The following ZSWIM6 variants were observed in gnomAD, a reference collection of about 807,000 sequenced individuals.
The protein encoded by ZSWIM6 is zinc finger SWIM domain-containing protein 6.
Under a neutral mutation model 113.2 loss-of-function variants are expected in ZSWIM6, and 9 were observed. The ratio of observed to expected loss-of-function variants is 0.08; its 90% CI spans 0.05 to 0.14. The LOEUF is 0.14. Ranked by LOEUF, ZSWIM6 falls within the 10% of genes least tolerant of loss-of-function variation. ZSWIM6 has a pLI of 1.00. For missense variants in ZSWIM6, 1,162 were observed against 1,552.2 expected (o/e 0.75, Z 4.22); for synonymous variants, 611 against 606.5 (o/e 1.01, Z -0.11).
intron 10 of ZSWIM6, among the ~76,000 whole-genome samples, chr5:61,537,276 A>G (rs1015353705): frequency 2.6e-5 from 4 of 152,208 alleles, no homozygotes; most frequent in African/African-American, 9.6e-5. Context: ...AGCAGGGTAC[A>G]GGGGAATTTT....
intron 2 of ZSWIM6, among the ~76,000 whole-genome samples, chr5:61,487,586 T>A (rs752567321): frequency 6.6e-6 from 1 of 152,002 alleles, no homozygotes; most frequent in Non-Finnish European, 1.5e-5. Flanking sequence ...TTATAGTTTT[T>A]TTGTAGAAAT....
intron 1 of ZSWIM6, among the ~76,000 whole-genome samples, chr5:61,430,887 T>G (rs1483359132): frequency 6.6e-6 from 1 of 152,210 alleles, no homozygotes; most frequent in Non-Finnish European, 1.5e-5. Context: ...TAATGATGGC[T>G]TATGTTTTAA....
intron 2 of ZSWIM6, among the ~76,000 whole-genome samples, chr5:61,484,065 G>C (rs1259087300): frequency 1.3e-5 from 2 of 151,902 alleles, no homozygotes. Context: ...GTTTTTGGAG[G>C]GTATCTGAAT....
At chr5:61,440,979 G>A (rs1448155119) in intron 1 of ZSWIM6, among the ~76,000 whole-genome samples, 4 of 152,178 alleles carry the variant, frequency 2.6e-5, no homozygotes, top group African/African-American at 9.7e-5. Flanking sequence ...ACTTTTTTGT[G>A]TGTGGGGCTG....
chr5:61,363,036 G>A (rs1479733151), intron 1 of ZSWIM6, among the ~76,000 whole-genome samples: 1 of 152,172 alleles, frequency 6.6e-6, no homozygotes, highest in Non-Finnish European at 1.5e-5. Context: ...CCTCTTAGTG[G>A]TTCAGGAACC....
At chr5:61,333,034 C>A in intron 1 of ZSWIM6, 86 bp downstream of exon 1, 1 of 1,062,234 alleles carries the variant, frequency 9.4e-7, no homozygotes, top group Non-Finnish European at 1.1e-6. Flanking sequence ...CTGCGGACAG[C>A]CCCTAGTTCC....
chr5:61,535,041 C>T (rs922276321), intron 9 of ZSWIM6, among the ~76,000 whole-genome samples: 1 of 152,170 alleles, frequency 6.6e-6, no homozygotes, highest in Non-Finnish European at 1.5e-5. Context: ...TTCTGGAAAC[C>T]TGGCATATTT....
At chr5:61,461,689 A>T (rs1299310942) in intron 1 of ZSWIM6, among the ~76,000 whole-genome samples, 2 of 152,316 alleles carry the variant, frequency 1.3e-5, no homozygotes, top group East Asian at 1.9e-4. Context: ...GAAATCATTT[A>T]TTAAGTCAAA....
intron 1 of ZSWIM6, chr5:61,375,355 A>G: frequency 2.5e-6 from 4 of 1,600,440 alleles, no homozygotes; most frequent in Middle Eastern, 3.5e-4. Flanking sequence ...GAAATTGTTA[A>G]GTGGAAGTGA....
chr5:61,356,751 AT>A (rs1276642342), intron 1 of ZSWIM6, among the ~76,000 whole-genome samples: 1 of 139,360 alleles, frequency 7.2e-6, no homozygotes, highest in Non-Finnish European at 1.5e-5. Context: ...ATATATATAT[AT>A]TATATATAAT....
intron 4 of ZSWIM6, among the ~76,000 whole-genome samples, chr5:61,513,833 A>C (rs1743703724): frequency 6.6e-6 from 1 of 152,070 alleles, no homozygotes; most frequent in Non-Finnish European, 1.5e-5. Flanking sequence ...CTATCCCTTC[A>C]TCACTAGTGC....
chr5:61,476,154 T>C (rs1355384345), intron 2 of ZSWIM6, among the ~76,000 whole-genome samples: 1 of 152,216 alleles, frequency 6.6e-6, no homozygotes, highest in Admixed American at 6.5e-5. Context: ...TTCCCCTTTT[T>C]CCTTGTGAAC....
intron 1 of ZSWIM6, among the ~76,000 whole-genome samples, chr5:61,411,424 CA>C (rs1208215710): frequency 6.6e-6 from 1 of 152,086 alleles, no homozygotes; most frequent in East Asian, 1.9e-4. Context: ...AGCTTTTGGA[CA>C]AAGCTAGAAT....
chr5:61,543,861 C>T lies in ZSWIM6; in HGVS notation c.3192C>T (p.Asp1064=), dbSNP rs1195239214. Residue 1064 remains aspartate, a synonymous_variant, in exon 14 of 14, where the codon GAC becomes GAT. Coordinates refer to ENST00000252744, the MANE Select transcript of ZSWIM6 (RefSeq NM_020928.2). The surrounding 1 kb of genome is among the most constrained non-coding windows in gnomAD (Gnocchi z 4.3). ...MTHLNLSYNQ[D]THPAINDVLW... is the part of the protein sequence containing the mutation. The stretch of plus-strand genomic sequence containing the variant: ...ATCTCAACCTGAGCTACAATCAGGA[C>T]ACACACCCTGCCATTAATGATGTTT... 6.4e-7 allele frequency: 1 copy of T among 1,551,768 alleles called. No individual in the cohort carries two copies. The highest frequency in any genetic ancestry group is 8.7e-7 in the Non-Finnish European group (1 of 1,147,032).
chr5:61,510,423 C>G (rs548034458), intron 4 of ZSWIM6, among the ~76,000 whole-genome samples: 1 of 152,010 alleles, frequency 6.6e-6, no homozygotes, highest in East Asian at 1.9e-4. Context: ...CCCACATTCT[C>G]TGACTGGCTA....
chr5:61,488,678 A>G (rs1156973093), intron 2 of ZSWIM6, among the ~76,000 whole-genome samples: 1 of 151,602 alleles, frequency 6.6e-6, no homozygotes, highest in Non-Finnish European at 1.5e-5. Flanking sequence ...TTCTGATTTT[A>G]TTTATTTGGA....
At chr5:61,333,185 C>T (rs1285974122) in intron 1 of ZSWIM6, among the ~76,000 whole-genome samples, 1 of 151,960 alleles carries the variant, frequency 6.6e-6, no homozygotes, top group African/African-American at 2.4e-5. Context: ...GCAGGACGCG[C>T]CCCTCCGTGG....
chr5:61,469,377 A>G (rs908135237), intron 1 of ZSWIM6, among the ~76,000 whole-genome samples: 4 of 152,194 alleles, frequency 2.6e-5, no homozygotes, highest in Admixed American at 6.5e-5. Flanking sequence ...CATTCATAAA[A>G]CACCGTAATC....
intron 1 of ZSWIM6, among the ~76,000 whole-genome samples, chr5:61,409,586 C>A (rs1459818482): frequency 6.6e-6 from 1 of 152,118 alleles, no homozygotes; most frequent in Non-Finnish European, 1.5e-5. Context: ...TCCACCATAC[C>A]CTGTTTTCTT....
Sources: allele counts gnomAD v4.1 joint callset (sites outside exome capture counted in the v4.1 genomes callset), GRCh38; gene constraint gnomAD v4.1.1; non-coding constraint Gnocchi (gnomAD v3.1); transcripts MANE v1.5; gene names NCBI Gene and HGNC (gene_info 2026-07-23, HGNC 2026-07-21).